The following PTPRD variants were observed in gnomAD, a reference collection of about 807,000 sequenced individuals.
PTPRD encodes the protein receptor-type tyrosine-protein phosphatase delta.
In PTPRD, 34 loss-of-function variants were observed where a neutral mutation model predicts 214.5. The observed-to-expected ratio is 0.16, with a 90% CI of 0.12 to 0.21. PTPRD has a LOEUF of 0.21. PTPRD is among the 10% of genes least tolerant of loss of function. PTPRD has a pLI of 1.00. For synonymous variants in PTPRD, 1,128 were observed against 845.7 expected (o/e 1.33, Z -5.79); for missense variants, 2,545 against 2,398.7 (o/e 1.06, Z -1.27).
At chr9:9,345,163 G>C (rs1027724179) in intron 9 of PTPRD, among the ~76,000 whole-genome samples, 2 of 152,092 alleles carry the variant, frequency 1.3e-5, no homozygotes, top group Non-Finnish European at 2.9e-5. Context: ...TTAGGACAAA[G>C]TACCATATTC....
chr9:10,276,464 C>A (rs1455500926), intron 3 of PTPRD, among the ~76,000 whole-genome samples: 1 of 152,144 alleles, frequency 6.6e-6, no homozygotes, highest in Non-Finnish European at 1.5e-5. Context: ...TGTATAGTAT[C>A]TTGGTAAATC....
chr9:9,582,203 T>G (rs1004566533), intron 7 of PTPRD, among the ~76,000 whole-genome samples: 1 of 152,126 alleles, frequency 6.6e-6, no homozygotes, highest in Non-Finnish European at 1.5e-5. Context: ...AAGACAACCA[T>G]CCTTAGTCTC....
chr9:8,849,375 C>A lies in PTPRD; in HGVS notation c.-103-115429G>T, dbSNP rs184194468. Among the ~76,000 whole-genome samples the A allele has an allele frequency of 5.4e-3, 819 of 151,938 alleles. 5 individuals are homozygous for A. Among genetic ancestry groups the A allele is most frequent in the Non-Finnish European group, 9.2e-3 (623 of 67,956 alleles). ...ATTTTTAGCTGGGACTACAGGCGCCCACCACCACGCCCAGCTTATTTTTTG... is the reference window on the plus strand; with the variant it reads ...ATTTTTAGCTGGGACTACAGGCGCCAACCACCACGCCCAGCTTATTTTTTG... On this transcript the variant is annotated intron_variant, in intron 11 of 45. Coordinates refer to ENST00000381196, the MANE Select transcript of PTPRD (RefSeq NM_002839.4).
At chr9:9,594,307 T>C (rs118136990) in intron 7 of PTPRD, among the ~76,000 whole-genome samples, 5 of 152,194 alleles carry the variant, frequency 3.3e-5, no homozygotes, top group Non-Finnish European at 5.9e-5. Flanking sequence ...TTTGTTCTTA[T>C]GGCATTTGCT....
chr9:9,597,312 A>G (rs920862178), intron 7 of PTPRD, among the ~76,000 whole-genome samples: 11 of 152,032 alleles, frequency 7.2e-5, no homozygotes, highest in Admixed American at 2.0e-4. Flanking sequence ...GTTCATAGCT[A>G]TATTGATGTT....
chr9:9,438,129 A>G (rs991639982), intron 8 of PTPRD, among the ~76,000 whole-genome samples: 9 of 152,270 alleles, frequency 5.9e-5, no homozygotes, highest in African/African-American at 1.7e-4. Context: ...ACTGGAGTAG[A>G]GCTCAACCTA....
In PTPRD at chr9:10,114,452, T is replaced by C. The variant is rs143071335; in HGVS notation, c.-544-80662A>G. On this transcript the variant is annotated intron_variant, in intron 3 of 45. Transcript: ENST00000381196. ...ACTAGCTAGACAGGACCAATACCTG[T>C]CCATTATTATAAAATTATACTCTCT... Among the ~76,000 whole-genome samples the C allele has an allele frequency of 4.2e-4, 64 of 152,260 alleles. No homozygotes were observed. In the East Asian group the frequency reaches 8.1e-3, roughly 19 times the overall value.
chr9:10,007,853 C>T (rs1453393916), intron 4 of PTPRD, among the ~76,000 whole-genome samples: 1 of 151,884 alleles, frequency 6.6e-6, no homozygotes, highest in African/African-American at 2.4e-5. Flanking sequence ...TTTTATTTAT[C>T]AGCCAATAGT....
chr9:10,584,362 T>C (rs2073187642), intron 2 of PTPRD, among the ~76,000 whole-genome samples: 1 of 152,128 alleles, frequency 6.6e-6, no homozygotes, highest in African/African-American at 2.4e-5. Context: ...TAAACAGAAT[T>C]ATTTCTGACA....
At chr9:10,387,798 T>TAA (rs552150325) in intron 2 of PTPRD, among the ~76,000 whole-genome samples, 5,544 of 127,024 alleles carry the variant, frequency 0.044, 222 homozygotes, top group South Asian at 0.13. Flanking sequence ...GAATACGATT[T>TAA]AAAAAAAAAA....
At chr9:8,329,263 T>TAAC (rs1403035607) in intron 44 of PTPRD, among the ~76,000 whole-genome samples, 7 of 152,150 alleles carry the variant, frequency 4.6e-5, no homozygotes, top group Admixed American at 3.3e-4. Context: ...ATTTTCCTTC[T>TAAC]AACAAACACC....
intron 14 of PTPRD, among the ~76,000 whole-genome samples, chr9:8,608,665 T>C (rs1241487433): frequency 6.6e-6 from 1 of 152,162 alleles, no homozygotes; most frequent in African/African-American, 2.4e-5. Flanking sequence ...TCACGGCGTT[T>C]AGTACATGAA....
chr9:8,681,104 G>C (rs1244320440), intron 12 of PTPRD, among the ~76,000 whole-genome samples: 1 of 152,116 alleles, frequency 6.6e-6, no homozygotes, highest in African/African-American at 2.4e-5. Context: ...CATTCTGCCT[G>C]TGGCCCTCTA....
chr9:9,398,031 C>T (rs1296659882), intron 8 of PTPRD, among the ~76,000 whole-genome samples: 1 of 151,934 alleles, frequency 6.6e-6, no homozygotes, highest in Non-Finnish European at 1.5e-5. Context: ...TGCTACCTTT[C>T]AAGTTTATCT....
chr9:9,824,188 A>G (rs2051843375), intron 5 of PTPRD, among the ~76,000 whole-genome samples: 1 of 151,980 alleles, frequency 6.6e-6, no homozygotes, highest in Non-Finnish European at 1.5e-5. Context: ...GTTATCAAAA[A>G]AAAAATTCAG....
intron 2 of PTPRD, among the ~76,000 whole-genome samples, chr9:10,366,164 C>A: frequency 6.6e-6 from 1 of 152,166 alleles, no homozygotes; most frequent in Non-Finnish European, 1.5e-5. Context: ...TGTAGTGCTG[C>A]TGATATATGG....
At chr9:8,826,467 C>A (rs2097177182) in intron 11 of PTPRD, among the ~76,000 whole-genome samples, 1 of 152,154 alleles carries the variant, frequency 6.6e-6, no homozygotes, top group African/African-American at 2.4e-5. Flanking sequence ...CAGTCCACCA[C>A]CCTCCAGCCC....
intron 8 of PTPRD, among the ~76,000 whole-genome samples, chr9:9,515,997 T>G (rs1474938667): frequency 6.6e-6 from 1 of 152,176 alleles, no homozygotes; most frequent in East Asian, 1.9e-4. Flanking sequence ...ATGCTGCAAT[T>G]GGAACTAATT....
intron 11 of PTPRD, among the ~76,000 whole-genome samples, chr9:8,750,133 T>C (rs1011296373): frequency 5.9e-5 from 9 of 151,768 alleles, no homozygotes; most frequent in East Asian, 1.9e-4. Context: ...CTGATACTGA[T>C]ACATTCTGGT....
Sources: gnomAD v4.1 joint callset for allele counts (sites outside exome capture counted in the v4.1 genomes callset) on GRCh38, gnomAD v4.1.1 for gene constraint, MANE v1.5 for transcripts, NCBI Gene and HGNC (gene_info 2026-07-23, HGNC 2026-07-21) for gene names.